Variants in ETV6 observed in about 807,000 individuals in gnomAD.
ETV6 encodes the protein transcription factor ETV6.
Under a neutral mutation model 51.1 loss-of-function variants are expected in ETV6, and 16 were observed. The observed-to-expected ratio is 0.31, with a 90% confidence interval of 0.21 to 0.48. The LOEUF (loss-of-function observed/expected upper bound fraction) is 0.48, where lower values mean the gene tolerates loss of function less well. ETV6 is among the 20% of genes least tolerant of loss of function. The pLI, the probability that ETV6 is intolerant of heterozygous loss-of-function variation, is 0.99. For missense variants in ETV6, 458 were observed against 594.8 expected, an observed-to-expected ratio of 0.77 and a Z score of 2.39; for synonymous variants, 240 against 224.1, an observed-to-expected ratio of 1.07 and a Z score of -0.64.
At chr12:11,821,182 A>G (rs1027089008) in intron 2 of ETV6, among the ~76,000 whole-genome samples, 1 of 151,624 alleles carries the variant, frequency 6.6e-6, no homozygotes, top group Admixed American at 6.6e-5. Flanking sequence ...CTAACACGGC[A>G]AAACCCCATC....
intron 1 of ETV6, among the ~76,000 whole-genome samples, chr12:11,734,259 A>G (rs904141227): frequency 6.6e-6 from 1 of 152,170 alleles, no homozygotes; most frequent in Non-Finnish European, 1.5e-5. Flanking sequence ...CCCCTATGTA[A>G]TTAGGTGATA....
At position 11,875,030 on chromosome 12, in the gene ETV6, A is replaced by G. The variant is rs567983748; in HGVS notation, c.1009+5061A>G. ...CTGCACATTGTGCACATGTACCCTA[A>G]AACTTAAAGTATAATTAAAAAAAAA... is the stretch of plus-strand genomic sequence containing the variant. On this transcript the variant is annotated intron_variant, in intron 5 of 7. Coordinates refer to ENST00000396373, the MANE Select transcript of ETV6 (RefSeq NM_001987.5). Among the ~76,000 whole-genome samples, 44 of 135,568 alleles carry G rather than the reference A, an allele frequency of 3.2e-4. 2 individuals carry two copies. Among genetic ancestry groups the G allele is most frequent in the Admixed American group, 1.9e-3 (26 of 13,802 alleles). 88.9% of individuals were successfully genotyped at this position (135,568 alleles called of 152,430 possible).
chr12:11,813,973 A>G (rs1195144193), intron 2 of ETV6, among the ~76,000 whole-genome samples: 1 of 152,218 alleles, frequency 6.6e-6, no homozygotes, highest in East Asian at 1.9e-4. Context: ...GGCATGAATT[A>G]TTTCCTAGAA....
intron 1 of ETV6, among the ~76,000 whole-genome samples, chr12:11,745,328 C>T (rs1012368888): frequency 6.6e-6 from 1 of 152,236 alleles, no homozygotes; most frequent in Non-Finnish European, 1.5e-5. Context: ...AGCATTAAGT[C>T]AGCTTTAGGA....
intron 2 of ETV6, among the ~76,000 whole-genome samples, chr12:11,764,478 CA>C (rs745831990): frequency 1.5e-4 from 23 of 152,336 alleles, no homozygotes; most frequent in Non-Finnish European, 2.5e-4. Flanking sequence ...TGAGAATGTG[CA>C]AGTCATCTGC....
chr12:11,771,623 G>T (rs1170366279), intron 2 of ETV6, among the ~76,000 whole-genome samples: 1 of 152,104 alleles, frequency 6.6e-6, no homozygotes, highest in Non-Finnish European at 1.5e-5. Context: ...ATGAGAAAGT[G>T]GATCCTCACA....
intron 1 of ETV6, among the ~76,000 whole-genome samples, chr12:11,716,197 G>C (rs947530439): frequency 1.3e-5 from 2 of 151,928 alleles, no homozygotes; most frequent in Admixed American, 6.6e-5. Context: ...CGGGCATGGT[G>C]GTGGGCGCCT....
intron 2 of ETV6, among the ~76,000 whole-genome samples, chr12:11,760,878 A>ATATG (rs1337448290): frequency 4.7e-5 from 7 of 148,524 alleles, no homozygotes; most frequent in African/African-American, 1.2e-4. Context: ...TATTATATAT[A>ATATG]TGTGTGTGTG....
At chr12:11,673,876 C>T (rs1282398716) in intron 1 of ETV6, among the ~76,000 whole-genome samples, 4 of 152,146 alleles carry the variant, frequency 2.6e-5, no homozygotes, top group Non-Finnish European at 5.9e-5. Flanking sequence ...GCAGTGATTC[C>T]ATGGCTCTTG....
Position 11,879,160 on chromosome 12 carries a change from T to A in ETV6, c.1010-5285T>A, listed in dbSNP as rs553922297. Among the ~76,000 whole-genome samples, 3 of 152,292 alleles carry A rather than the reference T, an allele frequency of 2.0e-5. No individual in the cohort carries two copies. In the South Asian group the frequency reaches 6.2e-4, roughly 32 times the overall value. ...CTGGAAATAAACGTTAATTTTTAGG[T>A]AATAAATTTCAAAAAATGTAACAGG... On this transcript the variant is annotated intron_variant, in intron 5 of 7. Coordinates refer to ENST00000396373, the MANE Select transcript of ETV6 (RefSeq NM_001987.5).
chr12:11,872,568 A>G (rs950807044), intron 5 of ETV6, among the ~76,000 whole-genome samples: 2 of 147,774 alleles, frequency 1.4e-5, no homozygotes, highest in African/African-American at 5.0e-5. Flanking sequence ...ATCTCGGCTC[A>G]TTGCAACCTC....
chr12:11,656,496 C>T (rs1251600372), intron 1 of ETV6, among the ~76,000 whole-genome samples: 1 of 152,154 alleles, frequency 6.6e-6, no homozygotes, highest in Non-Finnish European at 1.5e-5. Flanking sequence ...GATGGGTCTT[C>T]CTAGCCATTA....
chr12:11,677,298 C>A (rs1175074642), intron 1 of ETV6, among the ~76,000 whole-genome samples: 1 of 152,142 alleles, frequency 6.6e-6, no homozygotes, highest in African/African-American at 2.4e-5. Context: ...CTCTCTCTGC[C>A]AATAATTACA....
chr12:11,891,204 G>GA lies in ETV6; in HGVS notation c.*158_*159insA. On this transcript the variant is annotated 3_prime_UTR_variant, in exon 8 of 8. Transcript: ENST00000396373. ...TCTCTTGCAGACCAAGAGGGACCCT[G>GA]GAGCACCTTAGACAAACTACCCAGC... 1.7e-6 allele frequency: 1 copy of GA among 595,878 alleles called. No individual in the cohort carries two copies. 36.9% of individuals were successfully genotyped at this position (595,878 alleles called of 1,614,324 possible).
intron 2 of ETV6, among the ~76,000 whole-genome samples, chr12:11,792,485 G>A (rs1945614442): frequency 1.3e-5 from 2 of 151,878 alleles, no homozygotes; most frequent in Admixed American, 6.6e-5. Context: ...TCAGGAGTTC[G>A]AGACCAGTCT....
intron 6 of ETV6, among the ~76,000 whole-genome samples, chr12:11,885,477 T>C (rs1355103198): frequency 6.6e-6 from 1 of 152,200 alleles, no homozygotes; most frequent in Non-Finnish European, 1.5e-5. Context: ...AAGAATTGTC[T>C]TCCTTAAAAT....
At chr12:11,852,166 G>A (rs1946565876) in intron 3 of ETV6, among the ~76,000 whole-genome samples, 1 of 152,138 alleles carries the variant, frequency 6.6e-6, no homozygotes, top group South Asian at 2.1e-4. Context: ...TTTCAGCTTG[G>A]ATCTAAGTCA....
intron 1 of ETV6, among the ~76,000 whole-genome samples, chr12:11,723,084 GT>G (rs1189842496): frequency 6.6e-6 from 1 of 152,218 alleles, no homozygotes; most frequent in Non-Finnish European, 1.5e-5. Context: ...TGGTAGTTGT[GT>G]GACTGGGTAG....
chr12:11,698,356 G>C (rs1358685824), intron 1 of ETV6, among the ~76,000 whole-genome samples: 1 of 152,294 alleles, frequency 6.6e-6, no homozygotes, highest in African/African-American at 2.4e-5. Context: ...CAAGAATCTG[G>C]ACACAGTTTA....
Sources: gnomAD v4.1 joint callset for allele counts (sites outside exome capture counted in the v4.1 genomes callset) on GRCh38, gnomAD v4.1.1 for gene constraint, MANE v1.5 for transcripts, NCBI Gene and HGNC (gene_info 2026-07-23, HGNC 2026-07-21) for gene names.